The following PGM1 variants were observed in gnomAD, a reference collection of about 807,000 sequenced individuals.
PGM1 encodes the protein phosphoglucomutase 1.
In PGM1, 52 loss-of-function variants were observed where a neutral mutation model predicts 55.6. The ratio of observed to expected loss-of-function variants is 0.94; its 90% CI spans 0.75 to 1.18. PGM1 has a LOEUF of 1.18. Ranked by LOEUF, PGM1 falls within the 50% of genes most tolerant of loss-of-function variation. The pLI is 0.00. For synonymous variants in PGM1, 287 were observed against 271.7 expected (o/e 1.06, Z -0.55); for missense variants, 724 against 729.3 (o/e 0.99, Z 0.08).
At chr1:63,647,271 T>TATATATATATATAC (rs1649676661) in intron 7 of PGM1, among the ~76,000 whole-genome samples, 14 of 14,896 alleles carry the variant, frequency 9.4e-4, no homozygotes, top group South Asian at 1.9e-3. Flanking sequence ...TATATATATA[T>TATATATATATATAC]ATATATATAT....
chr1:63,628,847 T>C (rs757851240), intron 1 of PGM1, among the ~76,000 whole-genome samples: 2 of 152,178 alleles, frequency 1.3e-5, no homozygotes, highest in African/African-American at 2.4e-5. Flanking sequence ...CCAGGTACAC[T>C]GTAACAGAAG....
At chr1:63,656,920 G>A (rs1006070153) in intron 10 of PGM1, among the ~76,000 whole-genome samples, 1 of 152,026 alleles carries the variant, frequency 6.6e-6, no homozygotes, top group Non-Finnish European at 1.5e-5. Context: ...CAACATGATG[G>A]CTATAATGAA....
chr1:63,623,765 G>A (rs764366098), intron 1 of PGM1: 13 of 1,596,742 alleles, frequency 8.1e-6, no homozygotes. Context: ...AATGGGGTGG[G>A]TATATGATAA....
intron 1 of PGM1, among the ~76,000 whole-genome samples, chr1:63,602,644 G>T (rs530849833): frequency 2.0e-5 from 3 of 152,002 alleles, no homozygotes; most frequent in Non-Finnish European, 1.5e-5. Context: ...AATTGAAATG[G>T]CTACTACATT....
intron 1 of PGM1, among the ~76,000 whole-genome samples, chr1:63,621,297 T>C (rs1385788147): frequency 6.7e-6 from 1 of 149,212 alleles, no homozygotes; most frequent in Non-Finnish European, 1.5e-5. Flanking sequence ...TATGCTGGAG[T>C]GTGGTGTATT....
intron 10 of PGM1, among the ~76,000 whole-genome samples, chr1:63,656,977 A>G (rs1412803735): frequency 1.3e-5 from 2 of 152,220 alleles, no homozygotes; most frequent in Non-Finnish European, 2.9e-5. Context: ...TGTTCTCACT[A>G]TCACCACCAC....
intron 1 of PGM1, among the ~76,000 whole-genome samples, chr1:63,604,215 T>G (rs377149284): frequency 6.6e-6 from 1 of 152,320 alleles, no homozygotes; most frequent in South Asian, 2.1e-4. Context: ...TTTTTACGAT[T>G]TTATAGGTTC....
At chr1:63,620,906 G>A (rs538133993) in intron 1 of PGM1, among the ~76,000 whole-genome samples, 2 of 152,322 alleles carry the variant, frequency 1.3e-5, no homozygotes, top group Admixed American at 1.3e-4. Flanking sequence ...CGACAGTAAC[G>A]TTTCTGAAGA....
At chr1:63,610,938 T>A (rs1343070474) in intron 1 of PGM1, among the ~76,000 whole-genome samples, 1 of 152,216 alleles carries the variant, frequency 6.6e-6, no homozygotes. Flanking sequence ...GTATGCCAGG[T>A]CTACCCCTTA....
Position 63,632,079 on chromosome 1 carries a change from C to G in PGM1, c.682+297C>G, listed in dbSNP as rs60970619. 0.012 allele frequency among the ~76,000 whole-genome samples: 1,828 copies of G among 152,058 alleles called. 36 individuals carry two copies. Among genetic ancestry groups the G allele is most frequent in the African/African-American group, 0.042 (1,734 of 41,424 alleles). On this transcript the variant is annotated intron_variant, in intron 4 of 10. Transcript: ENST00000371084. ...ACTCTCCCTCCCCCTCAGAAGATACCTTACATTCTTGCTGCATGCCCCCAT... is the reference window on the plus strand; with the variant it reads ...ACTCTCCCTCCCCCTCAGAAGATACGTTACATTCTTGCTGCATGCCCCCAT...
chr1:63,617,733 A>G (rs1315304745), intron 1 of PGM1, among the ~76,000 whole-genome samples: 2 of 112,148 alleles, frequency 1.8e-5, no homozygotes, highest in Non-Finnish European at 3.5e-5. Flanking sequence ...CTCCCCACAA[A>G]AAAAAAAAAA....
In PGM1 at chr1:63,630,050, A is replaced by C; in HGVS notation, c.518A>C (p.Gln173Pro). 1 of 1,614,084 alleles carries C rather than the reference A, an allele frequency of 6.2e-7. No homozygotes were observed. Among genetic ancestry groups the C allele is most frequent in the Non-Finnish European group, 8.5e-7 (1 of 1,179,938 alleles). The change falls in exon 3 of 11, where the codon CAG (glutamine) becomes CCG (proline). Residue 173 changes from glutamine (Q) to proline (P), a missense_variant. Gln to Pro is a moderately conservative substitution (Grantham distance 76, BLOSUM62 -1). Around this residue, in one of 3 missense-constraint regions of PGM1, gnomAD observed 379 missense variants for 357.5 expected, o/e 1.06. Coordinates refer to ENST00000371084, the MANE Select transcript of PGM1 (RefSeq NM_002633.3). The stretch of plus-strand genomic sequence containing the variant: ...GTAGACCTTGGTGTTCTGGGAAAGC[A>C]GCAGTTTGACTTGGAAAATAAGTTC... ...LKVDLGVLGKQQFDLENKFKP... is the reference protein window; with the variant it reads ...LKVDLGVLGKPQFDLENKFKP...
intron 1 of PGM1, among the ~76,000 whole-genome samples, chr1:63,615,544 C>CTT (rs1648685928): frequency 1.8e-5 from 2 of 110,662 alleles, no homozygotes; most frequent in African/African-American, 8.0e-5. Flanking sequence ...TCCTCTTCTT[C>CTT]TTCTTCTTTT....
chr1:63,623,333 G>A (rs1426407464), intron 1 of PGM1: 67 of 1,500,368 alleles, frequency 4.5e-5, no homozygotes, highest in Non-Finnish European at 4.9e-5. Context: ...GAGAGTGATC[G>A]TCCATGCAAA....
At chr1:63,622,578 A>C (rs1239711168) in intron 1 of PGM1, among the ~76,000 whole-genome samples, 3 of 152,208 alleles carry the variant, frequency 2.0e-5, no homozygotes, top group Non-Finnish European at 1.5e-5. Flanking sequence ...GTGTACTCAG[A>C]AAAACATATG....
intron 1 of PGM1, among the ~76,000 whole-genome samples, chr1:63,628,767 C>T (rs985651423): frequency 6.6e-6 from 1 of 152,138 alleles, no homozygotes; most frequent in Non-Finnish European, 1.5e-5. Flanking sequence ...GTCGCCCTTT[C>T]ATGTAGGTCA....
At chr1:63,594,971 A>AAAAAAAG (rs1553177038) in intron 1 of PGM1, among the ~76,000 whole-genome samples, 2 of 146,896 alleles carry the variant, frequency 1.4e-5, no homozygotes, top group Non-Finnish European at 3.0e-5. Context: ...AAAAAAAAAA[A>AAAAAAAG]AAAAGAAAAA....
intron 1 of PGM1, among the ~76,000 whole-genome samples, chr1:63,626,626 A>C (rs1051437576): frequency 1.1e-4 from 16 of 152,192 alleles, no homozygotes; most frequent in Non-Finnish European, 2.1e-4. Flanking sequence ...AAGAAAAAAA[A>C]AATTATCCTA....
At position 63,659,867 on chromosome 1, in the gene PGM1, G is replaced by A; in HGVS notation, c.*192G>A. On this transcript the variant is annotated 3_prime_UTR_variant, in exon 11 of 11. Coordinates refer to ENST00000371084, the MANE Select transcript of PGM1 (RefSeq NM_002633.3). ...CCCTTGGGAGCTGTGAGGGAAAGAG[G>A]ACCTGCGGGCTTAGATCAATCTCAA... The A allele has an allele frequency of 1.5e-6, 1 of 652,770 alleles. No homozygotes were observed. 40.4% of individuals were successfully genotyped at this position (652,770 alleles called of 1,614,324 possible).
Sources: allele counts gnomAD v4.1 joint callset (sites outside exome capture counted in the v4.1 genomes callset), GRCh38; gene constraint gnomAD v4.1.1; regional missense constraint gnomAD v4.1.1; transcripts MANE v1.5; gene names NCBI Gene and HGNC (gene_info 2026-07-23, HGNC 2026-07-21).